The following WDFY2 variants were observed in gnomAD, a reference collection of about 807,000 sequenced individuals.
WDFY2 encodes WD repeat and FYVE domain-containing protein 2.
WDFY2 carries 36 observed loss-of-function variants against 56.4 expected under a neutral mutation model. That is an observed-to-expected ratio of 0.64 (90% CI 0.49 to 0.84). The LOEUF is 0.84. WDFY2 is among the 40% of genes least tolerant of loss of function. The pLI, the probability that WDFY2 is intolerant of heterozygous loss-of-function variation, is 0.00. For missense variants in WDFY2, 444 were observed against 512.2 expected (o/e 0.87, Z 1.29); for synonymous variants, 176 against 183.7 (o/e 0.96, Z 0.34).
Position 51,607,590 on chromosome 13 carries a change from A to G in WDFY2, c.137+22766A>G, listed in dbSNP as rs113538875. On this transcript the variant is annotated intron_variant, in intron 1 of 11. Transcript: ENST00000298125. Reference sequence around the variant, plus strand: ...CATAAAATAATGTATCTTATCATCAATGGCATCTTAGAGTTGATAAAAATA... The same window carrying G: ...CATAAAATAATGTATCTTATCATCAGTGGCATCTTAGAGTTGATAAAAATA... 4.5e-3 allele frequency among the ~76,000 whole-genome samples: 683 copies of G among 152,154 alleles called. 4 individuals carry two copies. The highest frequency in any genetic ancestry group is 0.016 in the African/African-American group (655 of 41,518).
intron 3 of WDFY2, among the ~76,000 whole-genome samples, chr13:51,689,915 C>G (rs893564025): frequency 3.9e-5 from 6 of 152,116 alleles, no homozygotes; most frequent in Non-Finnish European, 8.8e-5. Flanking sequence ...CATAATAATA[C>G]TAAGATGTTA....
At position 51,764,814 on chromosome 13, in the gene WDFY2, A is replaced by C. The variant is rs1374179859; in HGVS notation, c.*5045A>C. Reference sequence around the variant, plus strand: ...AGGAGGAGGTGGAGACTATCAGTGCACGGCCCGCAACCAGGAAGGACTCCC... The same window carrying C: ...AGGAGGAGGTGGAGACTATCAGTGCCCGGCCCGCAACCAGGAAGGACTCCC... On this transcript the variant is annotated 3_prime_UTR_variant, in exon 12 of 12. Transcript: ENST00000298125. 1 of 152,274 alleles carries C rather than the reference A, an allele frequency of 6.6e-6. No individual in the cohort carries two copies. Among genetic ancestry groups the C allele is most frequent in the Non-Finnish European group, 1.5e-5 (1 of 68,114 alleles). The allele number at this position is 152,274 out of a possible 1,614,324, so 9.4% of individuals were successfully genotyped here. A position where few individuals can be genotyped will look rare whatever the true frequency, so the allele number is the denominator to read the frequency against.
intron 1 of WDFY2, among the ~76,000 whole-genome samples, chr13:51,627,772 A>C (rs1046450178): frequency 6.6e-5 from 10 of 152,176 alleles, no homozygotes; most frequent in African/African-American, 2.4e-4. Flanking sequence ...TTTATGCAAC[A>C]GAACAGCTCA....
intron 1 of WDFY2, among the ~76,000 whole-genome samples, chr13:51,631,099 G>A (rs1267974278): frequency 6.9e-6 from 1 of 145,644 alleles, no homozygotes; most frequent in African/African-American, 2.5e-5. Context: ...GTTTTTTAAG[G>A]AAAGAAAACA....
At chr13:51,729,557 G>A (rs1261585980) in intron 6 of WDFY2, among the ~76,000 whole-genome samples, 1 of 151,044 alleles carries the variant, frequency 6.6e-6, no homozygotes, top group African/African-American at 2.4e-5. Flanking sequence ...CAGTGCAGGA[G>A]AGCAGTCTTC....
chr13:51,607,128 A>T (rs1039277420), intron 1 of WDFY2, among the ~76,000 whole-genome samples: 1 of 152,226 alleles, frequency 6.6e-6, no homozygotes. Context: ...TGATACCATA[A>T]CATAGCATAT....
Position 51,670,399 on chromosome 13 carries a change from A to T in WDFY2, c.206-4771A>T, listed in dbSNP as rs1329508843. ...CGGCTCTCTGCTTCTTTGATCTACC[A>T]GGGGCCAATCCAAGGCCTGTTCCTG... On this transcript the variant is annotated intron_variant, in intron 2 of 11. Transcript: ENST00000298125. 2.0e-5 allele frequency among the ~76,000 whole-genome samples: 3 copies of T among 152,016 alleles called. No homozygotes were observed. The East Asian group carries it at 5.8e-4, about 29-fold the overall frequency.
intron 4 of WDFY2, among the ~76,000 whole-genome samples, chr13:51,716,766 A>G (rs1250872407): frequency 6.8e-6 from 1 of 146,960 alleles, no homozygotes; most frequent in Non-Finnish European, 1.5e-5. Context: ...CTGCAGACCA[A>G]TATCTCTCAT....
chr13:51,639,244 G>A (rs920735489), intron 1 of WDFY2, among the ~76,000 whole-genome samples: 1 of 152,154 alleles, frequency 6.6e-6, no homozygotes, highest in Admixed American at 6.5e-5. Flanking sequence ...TTATGGGAAA[G>A]GCTCAATGTG....
chr13:51,674,236 CAT>C (rs1444802179), intron 2 of WDFY2, among the ~76,000 whole-genome samples: 1 of 152,154 alleles, frequency 6.6e-6, no homozygotes, highest in East Asian at 1.9e-4. Context: ...TCATGATCTA[CAT>C]GGCTTCTGTG....
At chr13:51,744,401 C>T (rs1002366635) in intron 7 of WDFY2, among the ~76,000 whole-genome samples, 8 of 152,244 alleles carry the variant, frequency 5.3e-5, no homozygotes, top group African/African-American at 1.9e-4. Context: ...CTCCCTTAAT[C>T]ATCAGACACA....
At chr13:51,725,996 T>C (rs1182202053) in intron 5 of WDFY2, among the ~76,000 whole-genome samples, 1 of 152,224 alleles carries the variant, frequency 6.6e-6, no homozygotes, top group East Asian at 1.9e-4. Context: ...TACCTTTTAA[T>C]ATGTAAAGAT....
In WDFY2 at chr13:51,759,787, A is replaced by C; in HGVS notation, c.*18A>C. 6.2e-7 allele frequency: 1 copy of C among 1,613,420 alleles called. No homozygotes were observed. The highest frequency in any genetic ancestry group is 8.5e-7 in the Non-Finnish European group (1 of 1,179,472). ...TGTCTTGATGACTCTCCCAGGAATCAGAAAGATAGTATTTACTAAAGAAAC... is the reference window on the plus strand; with the variant it reads ...TGTCTTGATGACTCTCCCAGGAATCCGAAAGATAGTATTTACTAAAGAAAC... On this transcript the variant is annotated 3_prime_UTR_variant, in exon 12 of 12. Coordinates refer to ENST00000298125, the MANE Select transcript of WDFY2 (RefSeq NM_052950.4).
chr13:51,598,761 T>C (rs1385993221), intron 1 of WDFY2: 1 of 152,166 alleles, frequency 6.6e-6, no homozygotes, highest in African/African-American at 2.4e-5. Flanking sequence ...AAAAATATTC[T>C]CCTCTATTGG....
chr13:51,653,488 G>A (rs1476256499), intron 1 of WDFY2, among the ~76,000 whole-genome samples: 2 of 152,184 alleles, frequency 1.3e-5, no homozygotes, highest in Non-Finnish European at 2.9e-5. Context: ...CTGATTTTTA[G>A]AATTTTCAGT....
At position 51,759,946 on chromosome 13, in the gene WDFY2, G is replaced by A. The variant is rs1953528788; in HGVS notation, c.*177G>A. The A allele has an allele frequency of 5.1e-6, 3 of 589,590 alleles. No individual in the cohort carries two copies. The highest frequency in any genetic ancestry group is 6.1e-6 in the Non-Finnish European group (2 of 329,544). The allele number at this position is 589,590 out of a possible 1,614,324, so 36.5% of individuals were successfully genotyped here. A position where few individuals can be genotyped will look rare whatever the true frequency, so the allele number is the denominator to read the frequency against. ...GGACCTGGCCAGTGAGCACTCGCAAGGGGACTCTTCCAACTTGTTCATACA... is the reference window on the plus strand; with the variant it reads ...GGACCTGGCCAGTGAGCACTCGCAAAGGGACTCTTCCAACTTGTTCATACA... On this transcript the variant is annotated 3_prime_UTR_variant, in exon 12 of 12. Transcript: ENST00000298125.
chr13:51,766,143 T>C lies in WDFY2; in HGVS notation c.*6374T>C, dbSNP rs1953741583. 1 of 152,268 alleles carries C rather than the reference T, an allele frequency of 6.6e-6. No individual in the cohort carries two copies. Among genetic ancestry groups the C allele is most frequent in the African/African-American group, 2.4e-5 (1 of 41,464 alleles). The allele number at this position is 152,268 out of a possible 1,614,324, so 9.4% of individuals were successfully genotyped here. A position where few individuals can be genotyped will look rare whatever the true frequency, so the allele number is the denominator to read the frequency against. On this transcript the variant is annotated 3_prime_UTR_variant, in exon 12 of 12. Coordinates refer to ENST00000298125, the MANE Select transcript of WDFY2 (RefSeq NM_052950.4). ...ATGGCCAAAACCCTAGCGTCACTTGTAACCATTGTACTCTTATGGATTTGT... is the reference window on the plus strand; with the variant it reads ...ATGGCCAAAACCCTAGCGTCACTTGCAACCATTGTACTCTTATGGATTTGT...
At chr13:51,592,619 T>G (rs1353377118) in intron 1 of WDFY2, 1 of 151,330 alleles carries the variant, frequency 6.6e-6, no homozygotes, top group African/African-American at 2.4e-5. Context: ...TTAAAATAAA[T>G]AAGTAATGAA....
chr13:51,692,236 T>C (rs1399040420), intron 3 of WDFY2, among the ~76,000 whole-genome samples: 1 of 152,230 alleles, frequency 6.6e-6, no homozygotes, highest in African/African-American at 2.4e-5. Flanking sequence ...CTATGTTGAA[T>C]AGGAGTGGTG....
Sources: allele counts gnomAD v4.1 joint callset (sites outside exome capture counted in the v4.1 genomes callset), GRCh38; gene constraint gnomAD v4.1.1; transcripts MANE v1.5; gene names NCBI Gene and HGNC (gene_info 2026-07-23, HGNC 2026-07-21).